The following LEMD3 variants were observed in gnomAD, a reference collection of about 807,000 sequenced individuals.
The protein encoded by LEMD3 is inner nuclear membrane protein Man1.
LEMD3 carries 33 observed loss-of-function variants against 95.2 expected under a neutral mutation model. That is an observed-to-expected ratio of 0.35 (90% CI 0.26 to 0.46). The LOEUF (loss-of-function observed/expected upper bound fraction) is 0.46, where lower values mean the gene tolerates loss of function less well. Ranked by LOEUF, LEMD3 falls within the 20% of genes least tolerant of loss-of-function variation. LEMD3 has a pLI of 1.00. For synonymous variants in LEMD3, 525 were observed against 474.6 expected (o/e 1.11, Z -1.38); for missense variants, 1,210 against 1,192.8 (o/e 1.01, Z -0.21).
rs967206854 is a variant in LEMD3 at position 65,169,768 on chromosome 12, G to T, written c.172G>T (p.Gly58Cys). ...EEEQQQHRSG[G>C]RGNKTRNSNN... The stretch of plus-strand genomic sequence containing the variant: ...AGAGCAGCAACAGCACCGGTCAGGG[G>T]GCCGCGGCAACAAGACGCGGAACAG... Residue 58 changes from glycine (G) to cysteine (C), a missense_variant, in exon 1 of 13, where the codon GGC (glycine) becomes TGC (cysteine). Transcript: ENST00000308330. 2.5e-6 allele frequency: 4 copies of T among 1,584,960 alleles called. No homozygotes were observed. Among genetic ancestry groups the T allele is most frequent in the South Asian group, 1.1e-5 (1 of 87,976 alleles).
chr12:65,237,246 T>C (rs892652978), intron 4 of LEMD3, among the ~76,000 whole-genome samples: 76 of 152,322 alleles, frequency 5.0e-4, no homozygotes, highest in African/African-American at 1.7e-3. Flanking sequence ...ATATATTTTA[T>C]AAATCTCTTA....
Position 65,177,694 on chromosome 12 carries a change from G to A in LEMD3, c.1522+6576G>A, listed in dbSNP as rs538429731. Among the ~76,000 whole-genome samples the A allele has an allele frequency of 2.6e-5, 4 of 152,096 alleles. No homozygotes were observed. The East Asian group carries it at 7.7e-4, about 29-fold the overall frequency. On this transcript the variant is annotated intron_variant, in intron 1 of 12. Coordinates refer to ENST00000308330, the MANE Select transcript of LEMD3 (RefSeq NM_014319.5). The stretch of plus-strand genomic sequence containing the variant: ...GTTTTCTTTAAAATCAAGACCAGTT[G>A]TTACAAAGAAGTAACATGTTTTAAT...
rs931001594 is a variant in LEMD3, at chr12:65,246,288, T to C, written c.2699T>C (p.Leu900Pro). The change falls in exon 13 of 13, where the codon CTT (leucine) becomes CCT (proline). Residue 900 changes from leucine (L) to proline (P), a missense_variant. This residue lies in a region of LEMD3 where 461 missense variants were observed against 569.8 expected (regional missense o/e 0.81). Coordinates refer to ENST00000308330, the MANE Select transcript of LEMD3 (RefSeq NM_014319.5). Reference protein sequence around the residue: ...KHMNSMSHLRLRTGLTNSQGS... With the variant: ...KHMNSMSHLRPRTGLTNSQGS... ...ATGAACTCCATGTCTCATCTTCGTCTTCGGACTGGCCTAACCAATTCTCAA... is the reference window on the plus strand; with the variant it reads ...ATGAACTCCATGTCTCATCTTCGTCCTCGGACTGGCCTAACCAATTCTCAA... The C allele has an allele frequency of 9.3e-6, 15 of 1,613,650 alleles. 1 individual carries two copies. The highest frequency in any genetic ancestry group is 8.9e-5 in the East Asian group (4 of 44,874).
At position 65,240,185 on chromosome 12, in the gene LEMD3, A is replaced by G. The variant is rs1019424314; in HGVS notation, c.2073A>G (p.Gln691=). 6.2e-6 allele frequency: 10 copies of G among 1,613,788 alleles called. No individual in the cohort carries two copies. The Admixed American group carries it at 1.2e-4, about 19-fold the overall frequency. ...NEACQENKDL[Q]PYMPIPHVRD... ...CCTGCCAGGAAAACAAAGATTTACAACCTTACATGCCTATTCCACATGTAC... is the reference window on the plus strand; with the variant it reads ...CCTGCCAGGAAAACAAAGATTTACAGCCTTACATGCCTATTCCACATGTAC... The change falls in exon 8 of 13, where the codon CAA becomes CAG. Residue 691 remains glutamine (Q), a synonymous_variant. Coordinates refer to ENST00000308330, the MANE Select transcript of LEMD3 (RefSeq NM_014319.5).
In LEMD3 at chr12:65,169,585, C is replaced by A. The variant is rs746522089; in HGVS notation, c.-12C>A. The stretch of plus-strand genomic sequence containing the variant: ...CGGTAGCGCGGAGCTTGTAAAACAC[C>A]CTGGAGAGAAAATGGCGGCGGCAGC... On this transcript the variant is annotated 5_prime_UTR_variant, in exon 1 of 13. Transcript: ENST00000308330. 1.3e-6 allele frequency: 2 copies of A among 1,586,486 alleles called. No homozygotes were observed. Among genetic ancestry groups the A allele is most frequent in the Non-Finnish European group, 1.7e-6 (2 of 1,168,094 alleles).
chr12:65,238,403 TTAAAA>T (rs1290837941), intron 4 of LEMD3, 94 bp from the exon 5 acceptor site: 13 of 745,364 alleles, frequency 1.7e-5, no homozygotes, highest in African/African-American at 3.5e-5. Context: ...TGTTATGTAG[TTAAAA>T]TAAAAATGTT....
chr12:65,239,671 TTA>T (rs1419555684), intron 6 of LEMD3, among the ~76,000 whole-genome samples: 2 of 151,928 alleles, frequency 1.3e-5, no homozygotes, highest in Admixed American at 6.6e-5. Flanking sequence ...TGAAACATAG[TTA>T]TATATATATA....
chr12:65,193,734 G>A (rs986139051), intron 1 of LEMD3, among the ~76,000 whole-genome samples: 1 of 120,012 alleles, frequency 8.3e-6, no homozygotes, highest in African/African-American at 2.8e-5. Flanking sequence ...ATAACTGGCT[G>A]TGTGTGTGTG....
At chr12:65,226,659 A>C (rs893080980) in intron 4 of LEMD3, among the ~76,000 whole-genome samples, 1 of 152,246 alleles carries the variant, frequency 6.6e-6, no homozygotes, top group African/African-American at 2.4e-5. Context: ...AGACAGTATA[A>C]TAAGGAGATT....
intron 1 of LEMD3, among the ~76,000 whole-genome samples, chr12:65,200,593 C>T (rs1366166922): frequency 3.3e-5 from 5 of 152,092 alleles, no homozygotes; most frequent in South Asian, 2.1e-4. Context: ...TCCCTGATAA[C>T]GTATGATGTG....
At position 65,201,408 on chromosome 12, in the gene LEMD3, T is replaced by C. The variant is rs12578729; in HGVS notation, c.1523-9518T>C. 3.4e-4 allele frequency among the ~76,000 whole-genome samples: 52 copies of C among 152,290 alleles called. No individual in the cohort carries two copies. In the East Asian group the frequency reaches 9.3e-3, roughly 27 times the overall value. ...GAGAAGAACTGACATCTAGAAAATA[T>C]TGAGCTTTCTTATCCATGGACATGA... is the stretch of plus-strand genomic sequence containing the variant. On this transcript the variant is annotated intron_variant, in intron 1 of 12. Coordinates refer to ENST00000308330, the MANE Select transcript of LEMD3 (RefSeq NM_014319.5).
At chr12:65,198,657 CAT>C (rs1348748209) in intron 1 of LEMD3, among the ~76,000 whole-genome samples, 3 of 152,092 alleles carry the variant, frequency 2.0e-5, no homozygotes, top group Non-Finnish European at 4.4e-5. Flanking sequence ...TCAAGTCCCT[CAT>C]ATAAAATTGT....
intron 1 of LEMD3, among the ~76,000 whole-genome samples, chr12:65,188,619 G>A (rs1291958808): frequency 6.6e-6 from 1 of 152,120 alleles, no homozygotes; most frequent in Non-Finnish European, 1.5e-5. Context: ...TCAGGCTAAT[G>A]GCTTCCTCCT....
Position 65,221,785 on chromosome 12 carries a change from G to C in LEMD3, c.1695+3166G>C, listed in dbSNP as rs140290437. Among the ~76,000 whole-genome samples, 522 of 143,748 alleles carry C rather than the reference G, an allele frequency of 3.6e-3. 5 individuals are homozygous for C. Among genetic ancestry groups the C allele is most frequent in the African/African-American group, 0.013 (507 of 37,964 alleles). The allele number at this position is 143,748 out of a possible 152,430, so 94.3% of individuals were successfully genotyped here. A position where few individuals can be genotyped will look rare whatever the true frequency, so the allele number is the denominator to read the frequency against. ...AGACAGAGTCTCACTCTGTCGCCCA[G>C]GCTGGAGTGCAGTGGTGTGATCTCT... On this transcript the variant is annotated intron_variant, in intron 4 of 12. Transcript: ENST00000308330.
chr12:65,176,289 C>T (rs1171372795), intron 1 of LEMD3, among the ~76,000 whole-genome samples: 2 of 152,208 alleles, frequency 1.3e-5, no homozygotes, highest in African/African-American at 4.8e-5. Context: ...TTCTACCAGT[C>T]TCCCTTATCA....
intron 10 of LEMD3, among the ~76,000 whole-genome samples, chr12:65,243,842 C>T (rs549056631): frequency 6.6e-6 from 1 of 152,182 alleles, no homozygotes; most frequent in Non-Finnish European, 1.5e-5. Context: ...ATCACTGCTG[C>T]TTACAAATTT....
intron 1 of LEMD3, among the ~76,000 whole-genome samples, chr12:65,207,449 A>C (rs1017637158): frequency 1.6e-5 from 2 of 125,328 alleles, no homozygotes; most frequent in Non-Finnish European, 3.4e-5. Context: ...GATTCTGAGA[A>C]GGAGGTCACG....
chr12:65,237,735 G>T (rs995119576), intron 4 of LEMD3, among the ~76,000 whole-genome samples: 1 of 152,158 alleles, frequency 6.6e-6, no homozygotes, highest in Non-Finnish European at 1.5e-5. Context: ...AGGTCACAAA[G>T]ATGAATGCTA....
intron 1 of LEMD3, among the ~76,000 whole-genome samples, chr12:65,175,604 C>G (rs1156420868): frequency 2.0e-5 from 3 of 152,190 alleles, no homozygotes; most frequent in Non-Finnish European, 4.4e-5. Flanking sequence ...TATCACTACT[C>G]TCTCCTAGTT....
Sources: allele counts gnomAD v4.1 joint callset (sites outside exome capture counted in the v4.1 genomes callset), GRCh38; gene constraint gnomAD v4.1.1; regional missense constraint gnomAD v4.1.1; transcripts MANE v1.5; gene names NCBI Gene and HGNC (gene_info 2026-07-23, HGNC 2026-07-21).